DCLRE1B: variants seen among roughly 807,000 people sequenced by gnomAD.
DCLRE1B encodes DNA cross-link repair 1B.
Under a neutral mutation model 19.8 loss-of-function variants are expected in DCLRE1B, and 6 were observed. The observed-to-expected ratio is 0.30, with a 90% CI of 0.17 to 0.60. The LOEUF (loss-of-function observed/expected upper bound fraction) is 0.60, where lower values mean the gene tolerates loss of function less well. DCLRE1B is among the 20% of genes least tolerant of loss of function. DCLRE1B has a pLI of 0.87. For missense variants in DCLRE1B, 622 were observed against 654.2 expected, an observed-to-expected ratio of 0.95 and a Z score of 0.54; for synonymous variants, 258 against 255.7, an observed-to-expected ratio of 1.01 and a Z score of -0.09.
At chr1:113,909,544 T>C (rs1669174150) in intron 3 of DCLRE1B, among the ~76,000 whole-genome samples, 1 of 152,228 alleles carries the variant, frequency 6.6e-6, no homozygotes, top group African/African-American at 2.4e-5. Context: ...GAAAAAATTA[T>C]ATAACTTCCA....
At chr1:113,904,982 C>T (rs1668803100), upstream of DCLRE1B, 1 of 472,212 alleles carries the variant, frequency 2.1e-6, no homozygotes, top group Non-Finnish European at 3.9e-6. Context: ...CAGATCGCTC[C>T]CGCTACTTCT....
chr1:113,906,517 G>T (rs1439886982), intron 1 of DCLRE1B, among the ~76,000 whole-genome samples: 2 of 149,628 alleles, frequency 1.3e-5, no homozygotes, highest in Non-Finnish European at 3.0e-5. Context: ...TTGAGATGGA[G>T]TCTCGCTCTG....
intron 3 of DCLRE1B, among the ~76,000 whole-genome samples, chr1:113,908,674 T>A (rs1239207592): frequency 6.6e-6 from 1 of 152,222 alleles, no homozygotes; most frequent in Admixed American, 6.5e-5. Context: ...CATTCCCAAC[T>A]CCTGATCATC....
intron 3 of DCLRE1B, among the ~76,000 whole-genome samples, chr1:113,910,479 T>G (rs1000866615): frequency 6.6e-6 from 1 of 152,144 alleles, no homozygotes; most frequent in Non-Finnish European, 1.5e-5. Flanking sequence ...CTCCATCACC[T>G]GTTAGATACA....
In DCLRE1B at chr1:113,911,416, A is replaced by G. The variant is rs978258813; in HGVS notation, c.824A>G (p.Asp275Gly). The change falls in exon 4 of 4, where the codon GAC becomes GGC. Residue 275 changes from aspartate to glycine, a missense_variant. Coordinates refer to ENST00000650450, the MANE Select transcript of DCLRE1B (RefSeq NM_022836.4). ...HPDIHVIPYS[D>G]HSSYSELRAF... is the part of the protein sequence containing the mutation. ...GATATCCACGTCATCCCTTACTCTG[A>G]CCATTCCTCTTACTCCGAGCTTCGT... 1.2e-6 allele frequency: 2 copies of G among 1,613,982 alleles called. No homozygotes were observed. The highest frequency in any genetic ancestry group is 1.7e-6 in the Non-Finnish European group (2 of 1,180,022).
intron 3 of DCLRE1B, 81 bp from the exon 4 acceptor site, chr1:113,911,049 AT>A: frequency 2.3e-6 from 3 of 1,329,506 alleles, no homozygotes; most frequent in Non-Finnish European, 3.1e-6. Flanking sequence ...TTTGTTAAAC[AT>A]TTTGTTGATT....
Position 113,911,186 on chromosome 1 carries a change from G to C in DCLRE1B, c.594G>C (p.Gln198His). The part of the protein sequence containing the change: ...SLLEQLALEF[Q>H]TWVVLSPRRL... ...TGGAGCAGCTGGCCCTGGAGTTTCA[G>C]ACCTGGGTGGTATTGAGTCCTCGGC... Residue 198 changes from glutamine to histidine, a missense_variant, in exon 4 of 4, where the codon CAG becomes CAC. Transcript: ENST00000650450. 6.2e-7 allele frequency: 1 copy of C among 1,614,188 alleles called. No individual in the cohort carries two copies. The highest frequency in any genetic ancestry group is 8.5e-7 in the Non-Finnish European group (1 of 1,180,020).
chr1:113,909,571 G>A (rs537813146), intron 3 of DCLRE1B, among the ~76,000 whole-genome samples: 20 of 152,278 alleles, frequency 1.3e-4, no homozygotes, highest in South Asian at 8.3e-4. Flanking sequence ...CTACCAAATC[G>A]ATTGAGAAAT....
rs747515194 is a variant in DCLRE1B, at chr1:113,911,923, C to T, written c.1331C>T (p.Ser444Phe). 6.2e-7 allele frequency: 1 copy of T among 1,614,114 alleles called. No individual in the cohort carries two copies. The highest frequency in any genetic ancestry group is 8.5e-7 in the Non-Finnish European group (1 of 1,180,006). The change falls in exon 4 of 4, where the codon TCT becomes TTT. Residue 444 changes from serine (S) to phenylalanine (F), a missense_variant. Transcript: ENST00000650450. ...HLRSTDEEFISQKTREEIGLG... is the reference protein window; with the variant it reads ...HLRSTDEEFIFQKTREEIGLG... ...AGGTCTACAGATGAGGAGTTTATTT[C>T]TCAAAAAACCAGGGAGGAAATTGGT...
chr1:113,909,884 T>C (rs996488006), intron 3 of DCLRE1B, among the ~76,000 whole-genome samples: 21 of 152,300 alleles, frequency 1.4e-4, no homozygotes, highest in African/African-American at 4.6e-4. Flanking sequence ...GCTCCATTTG[T>C]GCCCAAGGAG....
intron 2 of DCLRE1B, 43 bp downstream of exon 2, chr1:113,907,204 G>GTTATTTTTTTTTT (rs1558106756): frequency 2.1e-6 from 1 of 465,990 alleles, no homozygotes; most frequent in Non-Finnish European, 2.9e-6. Flanking sequence ...CAGACTAGAT[G>GTTATTTTTTTTTT]TTTTTTTTTT....
rs1439653012 is a variant in DCLRE1B, at chr1:113,907,066, A to G, written c.260A>G (p.Gln87Arg). The change falls in exon 2 of 4, where the codon CAA becomes CGA. Residue 87 changes from glutamine (Q) to arginine (R), a missense_variant. Coordinates refer to ENST00000650450, the MANE Select transcript of DCLRE1B (RefSeq NM_022836.4). The part of the protein sequence containing the change: ...SHVLPLDEIG[Q>R]ETMTVTLLDA... Reference sequence around the variant, plus strand: ...GTATTACCCCTAGATGAAATTGGACAAGAGACCATGACCGTAACCCTCCTC... The same window carrying G: ...GTATTACCCCTAGATGAAATTGGACGAGAGACCATGACCGTAACCCTCCTC... The G allele has an allele frequency of 1.5e-5, 24 of 1,613,886 alleles. No individual in the cohort carries two copies. The highest frequency in any genetic ancestry group is 4.0e-5 in the African/African-American group (3 of 74,810).
Position 113,911,472 on chromosome 1 carries a change from G to A in DCLRE1B, c.880G>A (p.Val294Met), listed in dbSNP as rs1365283427. The change falls in exon 4 of 4, where the codon GTG becomes ATG. Residue 294 changes from valine to methionine, a missense_variant. Around this residue, in one of 3 missense-constraint regions of DCLRE1B, gnomAD observed 382 missense variants for 412.5 expected, o/e 0.93. Transcript: ENST00000650450. ...AFVAALKPCQ[V>M]VPIVSRRPCG... is the part of the protein sequence containing the mutation. ...TGTCGCAGCACTGAAGCCTTGCCAG[G>A]TGGTGCCCATTGTAAGTCGGCGGCC... 6.2e-7 allele frequency: 1 copy of A among 1,614,160 alleles called. No individual in the cohort carries two copies. The highest frequency in any genetic ancestry group is 1.7e-5 in the Admixed American group (1 of 60,010).
Position 113,906,986 on chromosome 1 carries a change from G to A in DCLRE1B, c.190-10G>A. 1 of 1,613,732 alleles carries A rather than the reference G, an allele frequency of 6.2e-7. No homozygotes were observed. Among genetic ancestry groups the A allele is most frequent in the Non-Finnish European group, 8.5e-7 (1 of 1,179,830 alleles). ...TCAGTGGTCACTGGGATGACTAACT[G>A]TTTTCTCAGGTATCTAAGCAATGGA... On this transcript the variant is annotated splice_polypyrimidine_tract_variant and intron_variant, in intron 1 of 3. Coordinates refer to ENST00000650450, the MANE Select transcript of DCLRE1B (RefSeq NM_022836.4).
intron 2 of DCLRE1B, among the ~76,000 whole-genome samples, chr1:113,907,492 G>A (rs752867387): frequency 6.6e-5 from 10 of 151,544 alleles, no homozygotes; most frequent in Admixed American, 2.0e-4. Flanking sequence ...TTTTTGAGAC[G>A]GAGTTTCACT....
chr1:113,908,500 CAG>C (rs1045576058), intron 3 of DCLRE1B, among the ~76,000 whole-genome samples: 3 of 152,310 alleles, frequency 2.0e-5, no homozygotes, highest in East Asian at 1.9e-4. Flanking sequence ...CCCAGCTACA[CAG>C]GGGACTGAGA....
chr1:113,906,160 G>A (rs956379562), intron 1 of DCLRE1B, among the ~76,000 whole-genome samples: 7 of 141,640 alleles, frequency 4.9e-5, no homozygotes, highest in Non-Finnish European at 7.5e-5. Context: ...GGGTTCAAGC[G>A]ATTCTCCTGT....
At chr1:113,904,780 C>G, upstream of DCLRE1B, 1 of 1,353,274 alleles carries the variant, frequency 7.4e-7, no homozygotes, top group Non-Finnish European at 1.1e-6. Flanking sequence ...TCCTTCTCGT[C>G]CTGATGTGGG....
chr1:113,912,442 ATTAAAAGT>A lies in DCLRE1B; in HGVS notation c.*253_*260del. 2.7e-6 allele frequency: 1 copy of A among 376,412 alleles called. No homozygotes were observed. The highest frequency in any genetic ancestry group is 4.4e-5 in the East Asian group (1 of 22,566). 23.3% of individuals were successfully genotyped at this position (376,412 alleles called of 1,614,324 possible). On this transcript the variant is annotated 3_prime_UTR_variant, in exon 4 of 4. Coordinates refer to ENST00000650450, the MANE Select transcript of DCLRE1B (RefSeq NM_022836.4). ...AAATCTTTGGAGTATGCGTGAGCAAATTAAAAGTTCTTTGAAGTCCTACAGTAACTTAA... is the reference window on the plus strand; with the variant it reads ...AAATCTTTGGAGTATGCGTGAGCAAATCTTTGAAGTCCTACAGTAACTTAA...
Sources: allele counts gnomAD v4.1 joint callset (sites outside exome capture counted in the v4.1 genomes callset), GRCh38; gene constraint gnomAD v4.1.1; regional missense constraint gnomAD v4.1.1; transcripts MANE v1.5; gene names NCBI Gene and HGNC (gene_info 2026-07-23, HGNC 2026-07-21).